The following MACROD2 variants were observed in gnomAD, a reference collection of about 807,000 sequenced individuals.
The protein encoded by MACROD2 is ADP-ribose glycohydrolase MACROD2.
A neutral mutation model predicts 70.4 loss-of-function variants in MACROD2; 36 were observed. The observed-to-expected ratio is 0.51, with a 90% confidence interval of 0.39 to 0.68. The LOEUF is 0.68. Ranked by LOEUF, MACROD2 falls within the 30% of genes least tolerant of loss-of-function variation. MACROD2 has a pLI of 0.00. For synonymous variants in MACROD2, 172 were observed against 178.8 expected (o/e 0.96, Z 0.30); for missense variants, 496 against 538.4 (o/e 0.92, Z 0.78).
intron 8 of MACROD2, among the ~76,000 whole-genome samples, chr20:15,609,847 G>A (rs1374422672): frequency 1.3e-5 from 2 of 152,106 alleles, no homozygotes; most frequent in African/African-American, 4.8e-5. Flanking sequence ...GCCCTCGGTC[G>A]CTTACCAGCC....
intron 3 of MACROD2, among the ~76,000 whole-genome samples, chr20:14,122,126 C>T (rs2054596710): frequency 6.6e-6 from 1 of 152,128 alleles, no homozygotes; most frequent in Admixed American, 6.5e-5. Context: ...CTAGTCTTGC[C>T]TAGTTTCAGA....
chr20:15,768,776 G>A (rs987344873), intron 8 of MACROD2, among the ~76,000 whole-genome samples: 8 of 151,908 alleles, frequency 5.3e-5, no homozygotes, highest in Non-Finnish European at 7.4e-5. Context: ...TCTTTATTCC[G>A]TAAGCTTTTT....
Position 15,594,702 on chromosome 20 carries a change from T to C in MACROD2, c.645+94855T>C, listed in dbSNP as rs1333278246. ...ACTCCTAACTTTAATGTAATCAAATTAATAAATGTTTAACATATTGATTTG... is the reference window on the plus strand; with the variant it reads ...ACTCCTAACTTTAATGTAATCAAATCAATAAATGTTTAACATATTGATTTG... On this transcript the variant is annotated intron_variant, in intron 8 of 17. Coordinates refer to ENST00000684519, the MANE Select transcript of MACROD2 (RefSeq NM_001351661.2). Among the ~76,000 whole-genome samples the C allele has an allele frequency of 3.3e-5, 5 of 152,368 alleles. No homozygotes were observed. In the East Asian group the frequency reaches 7.7e-4, roughly 23 times the overall value.
chr20:14,208,682 GC>G (rs2081545731), intron 3 of MACROD2, among the ~76,000 whole-genome samples: 1 of 152,136 alleles, frequency 6.6e-6, no homozygotes, highest in Non-Finnish European at 1.5e-5. Flanking sequence ...CATCGAGACT[GC>G]CCAGTGTTCT....
At chr20:14,578,151 T>C (rs117283636) in intron 4 of MACROD2, among the ~76,000 whole-genome samples, 3,538 of 150,816 alleles carry the variant, frequency 0.023, 59 homozygotes, top group South Asian at 0.037. Context: ...TAAAAATATA[T>C]ATAATATATA....
intron 6 of MACROD2, among the ~76,000 whole-genome samples, chr20:15,353,298 A>G (rs2078248754): frequency 2.0e-5 from 3 of 152,230 alleles, no homozygotes; most frequent in Non-Finnish European, 4.4e-5. Flanking sequence ...CTGGCTAGCC[A>G]TATGTAGAAA....
intron 8 of MACROD2, among the ~76,000 whole-genome samples, chr20:15,858,364 G>C (rs2064382234): frequency 6.6e-6 from 1 of 152,162 alleles, no homozygotes; most frequent in African/African-American, 2.4e-5. Flanking sequence ...TCTGGGGCTA[G>C]TATGGGGCAT....
intron 10 of MACROD2, among the ~76,000 whole-genome samples, chr20:15,889,413 T>C (rs1026362996): frequency 1.3e-5 from 2 of 152,172 alleles, no homozygotes; most frequent in African/African-American, 4.8e-5. Flanking sequence ...AAGGGATTAG[T>C]TCCTTGCTTA....
chr20:15,851,925 C>G (rs1001157629), intron 8 of MACROD2, among the ~76,000 whole-genome samples: 3 of 152,190 alleles, frequency 2.0e-5, no homozygotes, highest in African/African-American at 4.8e-5. Context: ...CACGAGCACA[C>G]GGCAGCTTCC....
chr20:15,987,038 G>T (rs1358656148), intron 14 of MACROD2, 28 bp from the exon 15 acceptor site: 2 of 1,560,938 alleles, frequency 1.3e-6, no homozygotes, highest in African/African-American at 1.4e-5. Flanking sequence ...AAACAACCCT[G>T]AGTGTCCATC....
intron 7 of MACROD2, among the ~76,000 whole-genome samples, chr20:15,433,029 A>C (rs535522654): frequency 6.6e-6 from 1 of 152,176 alleles, no homozygotes; most frequent in South Asian, 2.1e-4. Flanking sequence ...ACCCTCAACA[A>C]AATGGGCATA....
chr20:15,515,829 T>G (rs1425678258), intron 8 of MACROD2, among the ~76,000 whole-genome samples: 1 of 152,190 alleles, frequency 6.6e-6, no homozygotes, highest in Admixed American at 6.5e-5. Context: ...AGACTCTGGA[T>G]GTAGCCCAGG....
At chr20:15,415,473 G>A (rs570243004) in intron 6 of MACROD2, among the ~76,000 whole-genome samples, 113 of 152,300 alleles carry the variant, frequency 7.4e-4, no homozygotes, top group Non-Finnish European at 1.5e-3. Flanking sequence ...AGTGGAGGGA[G>A]AGGAAAAGTG....
chr20:15,324,447 A>G (rs1213894841), intron 6 of MACROD2, among the ~76,000 whole-genome samples: 1 of 152,132 alleles, frequency 6.6e-6, no homozygotes, highest in Non-Finnish European at 1.5e-5. Flanking sequence ...TTGTTTATAT[A>G]TATCAGCAGC....
chr20:14,743,612 C>T (rs1350636215), intron 5 of MACROD2, among the ~76,000 whole-genome samples: 1 of 152,164 alleles, frequency 6.6e-6, no homozygotes, highest in African/African-American at 2.4e-5. Context: ...TCATACAGAA[C>T]ACCAAAATAA....
intron 3 of MACROD2, among the ~76,000 whole-genome samples, chr20:14,435,938 C>G (rs549942633): frequency 6.6e-6 from 1 of 152,228 alleles, no homozygotes; most frequent in South Asian, 2.1e-4. Context: ...AACTCCTGGT[C>G]TCAACGGATC....
rs1555808880 is a variant in MACROD2, at chr20:15,358,822, T to TA, written c.541-72582dup. 2.6e-4 allele frequency among the ~76,000 whole-genome samples: 40 copies of TA among 151,924 alleles called. No homozygotes were observed. In the East Asian group the frequency reaches 7.0e-3, roughly 26 times the overall value. On this transcript the variant is annotated intron_variant, in intron 6 of 17. Coordinates refer to ENST00000684519, the MANE Select transcript of MACROD2 (RefSeq NM_001351661.2). ...AAGAGCTCTTGTTCCTTTTTTTTTT[T>TA]ACAAGGGCATTAATTCCAACATGAA...
At chr20:14,285,128 T>C (rs1260636918) in intron 3 of MACROD2, among the ~76,000 whole-genome samples, 1 of 152,200 alleles carries the variant, frequency 6.6e-6, no homozygotes, top group Non-Finnish European at 1.5e-5. Context: ...ACAGGTTTAG[T>C]ATCTCTTATC....
rs2052628394 is a variant in MACROD2 at position 13,995,752 on chromosome 20, C to T, written c.-12C>T. ...GAACTTGCAGCTTAAAGCCAGCCAC[C>T]CCCACGGCAACATGTACCCCAGCAA... On this transcript the variant is annotated 5_prime_UTR_variant, in exon 1 of 18. Coordinates refer to ENST00000684519, the MANE Select transcript of MACROD2 (RefSeq NM_001351661.2). This position sits in a 1 kb window ranked among gnomAD's most constrained non-coding sequence, Gnocchi z 4.3. 2 of 1,612,600 alleles carry T rather than the reference C, an allele frequency of 1.2e-6. No homozygotes were observed.
Sources: gnomAD v4.1 joint callset for allele counts (sites outside exome capture counted in the v4.1 genomes callset) on GRCh38, gnomAD v4.1.1 for gene constraint, Gnocchi (gnomAD v3.1) non-coding constraint, MANE v1.5 for transcripts, NCBI Gene and HGNC (gene_info 2026-07-23, HGNC 2026-07-21) for gene names.